The following OTUD7A variants were observed in gnomAD, a reference collection of about 807,000 sequenced individuals.
OTUD7A encodes the protein OTU deubiquitinase 7A.
Under a neutral mutation model 65.7 loss-of-function variants are expected in OTUD7A, and 12 were observed. The ratio of observed to expected loss-of-function variants is 0.18; its 90% CI spans 0.12 to 0.30. OTUD7A has a LOEUF of 0.30. OTUD7A is among the 10% of genes least tolerant of loss of function. The probability of loss-of-function intolerance (pLI) is 1.00; values close to 1 mark genes in which losing one functional copy is unlikely to be tolerated. For synonymous variants in OTUD7A, 641 were observed against 586.3 expected, an observed-to-expected ratio of 1.09 and a Z score of -1.35; for missense variants, 1,148 against 1,304.8, an observed-to-expected ratio of 0.88 and a Z score of 1.85.
chr15:31,749,876 C>A (rs965397898), intron 1 of OTUD7A, among the ~76,000 whole-genome samples: 5 of 151,848 alleles, frequency 3.3e-5, no homozygotes, highest in African/African-American at 1.2e-4. Context: ...TTTCAGGATA[C>A]AAAATCAACG....
At chr15:31,597,161 C>G (rs1446593622) in intron 3 of OTUD7A, among the ~76,000 whole-genome samples, 1 of 152,052 alleles carries the variant, frequency 6.6e-6, no homozygotes, top group Non-Finnish European at 1.5e-5. Context: ...TTCCTAAGCT[C>G]AAGTAATCTG....
intron 10 of OTUD7A, among the ~76,000 whole-genome samples, chr15:31,497,796 G>T (rs1441703318): frequency 6.6e-6 from 1 of 152,162 alleles, no homozygotes; most frequent in African/African-American, 2.4e-5. Flanking sequence ...CCCTTCACTG[G>T]CTGCAACTAT....
intron 1 of OTUD7A, among the ~76,000 whole-genome samples, chr15:31,848,997 T>C (rs1444944024): frequency 6.6e-6 from 1 of 152,220 alleles, no homozygotes; most frequent in African/African-American, 2.4e-5. Context: ...TTTGGCTGGA[T>C]ATGAAATTCT....
chr15:31,606,637 A>G lies in OTUD7A; in HGVS notation c.152-36440T>C, dbSNP rs578184797. Among the ~76,000 whole-genome samples, 8 of 152,344 alleles carry G rather than the reference A, an allele frequency of 5.3e-5. No individual in the cohort carries two copies. The East Asian group carries it at 1.5e-3, about 29-fold the overall frequency. ...ATTCATCTGTGTAAACTGTAACACTACAAAGCTGATGTCAACATCTGTCAC... is the reference window on the plus strand; with the variant it reads ...ATTCATCTGTGTAAACTGTAACACTGCAAAGCTGATGTCAACATCTGTCAC... On this transcript the variant is annotated intron_variant, in intron 3 of 12. Transcript: ENST00000307050.
At chr15:31,683,320 T>C (rs1330438720) in intron 1 of OTUD7A, among the ~76,000 whole-genome samples, 1 of 152,200 alleles carries the variant, frequency 6.6e-6, no homozygotes, top group Non-Finnish European at 1.5e-5. Flanking sequence ...GTGAGATAGG[T>C]GGATTCTGAA....
chr15:31,754,750 T>A (rs1410184014), intron 1 of OTUD7A, among the ~76,000 whole-genome samples: 2 of 152,228 alleles, frequency 1.3e-5, no homozygotes, highest in African/African-American at 2.4e-5. Context: ...GCTGTTTTGG[T>A]GACTATGGGC....
At chr15:31,739,416 T>C (rs535866754) in intron 1 of OTUD7A, among the ~76,000 whole-genome samples, 1 of 152,224 alleles carries the variant, frequency 6.6e-6, no homozygotes, top group East Asian at 1.9e-4. Context: ...ATCTTAAAAG[T>C]AGTCACAAGT....
intron 1 of OTUD7A, among the ~76,000 whole-genome samples, chr15:31,680,115 A>G (rs553031240): frequency 5.6e-4 from 85 of 152,310 alleles, no homozygotes; most frequent in African/African-American, 1.9e-3. Context: ...TTGGCAAGGG[A>G]AAAAAAGCCT....
intron 3 of OTUD7A, among the ~76,000 whole-genome samples, chr15:31,637,750 G>A (rs1018776931): frequency 3.3e-5 from 5 of 152,180 alleles, no homozygotes; most frequent in Non-Finnish European, 7.4e-5. Context: ...CAACTCTCAT[G>A]GATGACTTTG....
At chr15:31,811,509 G>A (rs1896415141) in intron 1 of OTUD7A, among the ~76,000 whole-genome samples, 1 of 152,034 alleles carries the variant, frequency 6.6e-6, no homozygotes, top group Non-Finnish European at 1.5e-5. Flanking sequence ...AAGTGCATGG[G>A]TATGTGTATG....
intron 1 of OTUD7A, among the ~76,000 whole-genome samples, chr15:31,780,137 T>C (rs1895498526): frequency 6.6e-6 from 1 of 152,184 alleles, no homozygotes; most frequent in Non-Finnish European, 1.5e-5. Context: ...TTCTGTAGTA[T>C]CTGCCCCTCT....
chr15:31,746,900 C>G (rs1156368761), intron 1 of OTUD7A, among the ~76,000 whole-genome samples: 3 of 152,182 alleles, frequency 2.0e-5, no homozygotes, highest in Non-Finnish European at 4.4e-5. Flanking sequence ...GTGAAGCTTT[C>G]TGGGGTGAGA....
chr15:31,744,992 G>A (rs1235720324), intron 1 of OTUD7A, among the ~76,000 whole-genome samples: 1 of 151,972 alleles, frequency 6.6e-6, no homozygotes, highest in African/African-American at 2.4e-5. Context: ...AATAAATTTA[G>A]CAAAAGGTGC....
chr15:31,632,105 C>T (rs562751312), intron 3 of OTUD7A, among the ~76,000 whole-genome samples: 18 of 152,336 alleles, frequency 1.2e-4, no homozygotes, highest in Middle Eastern at 3.4e-3. Context: ...AGTCATTCTC[C>T]GTCCAGCTTT....
chr15:31,766,249 G>A, intron 1 of OTUD7A: 1 of 1,570,722 alleles, frequency 6.4e-7, no homozygotes, highest in South Asian at 1.1e-5. Flanking sequence ...TGTATCAACA[G>A]TGATCTCGCA....
chr15:31,704,686 C>T lies in OTUD7A; in HGVS notation c.-99-47609G>A, dbSNP rs564804796. On this transcript the variant is annotated intron_variant, in intron 1 of 12. Transcript: ENST00000307050. ...TGTCCCCAGTGTTCCCCCTCAAAAA[C>T]ATTATCCAGAAAGAAAATGAAGTCA... 3.0e-4 allele frequency among the ~76,000 whole-genome samples: 45 copies of T among 152,082 alleles called. No homozygotes were observed. The South Asian group carries it at 9.2e-3, about 31-fold the overall frequency.
rs2041104971 is a variant in OTUD7A at position 31,480,687 on chromosome 15, T to C, written c.*2607A>G. 6.6e-6 allele frequency: 1 copy of C among 152,268 alleles called. No individual in the cohort carries two copies. Among genetic ancestry groups the C allele is most frequent in the Non-Finnish European group, 1.5e-5 (1 of 68,048 alleles). 9.4% of individuals were successfully genotyped at this position (152,268 alleles called of 1,614,324 possible). On this transcript the variant is annotated 3_prime_UTR_variant, in exon 13 of 13. Coordinates refer to ENST00000307050, the MANE Select transcript of OTUD7A (RefSeq NM_001382637.1). Reference sequence around the variant, plus strand: ...GGAGCATGCTGTCGGTGCACGGGACTAGCACATTTAATATGACCATCCGCT... The same window carrying C: ...GGAGCATGCTGTCGGTGCACGGGACCAGCACATTTAATATGACCATCCGCT...
chr15:31,605,445 C>A (rs1056706793), intron 3 of OTUD7A, among the ~76,000 whole-genome samples: 4 of 152,082 alleles, frequency 2.6e-5, no homozygotes, highest in African/African-American at 9.7e-5. Flanking sequence ...GAAACATCAC[C>A]CTGGGCCCTC....
At chr15:31,807,093 T>G (rs1394607047) in intron 1 of OTUD7A, among the ~76,000 whole-genome samples, 2 of 152,246 alleles carry the variant, frequency 1.3e-5, no homozygotes, top group Non-Finnish European at 2.9e-5. Flanking sequence ...TTCTCCCTTA[T>G]TTGTCAGTTC....
Sources: allele counts gnomAD v4.1 joint callset (sites outside exome capture counted in the v4.1 genomes callset), GRCh38; gene constraint gnomAD v4.1.1; transcripts MANE v1.5; gene names NCBI Gene and HGNC (gene_info 2026-07-23, HGNC 2026-07-21).